Variants in SFMBT1 observed in about 807,000 individuals in gnomAD.
The protein encoded by SFMBT1 is scm-like with four MBT domains protein 1.
In SFMBT1, 32 loss-of-function variants were observed where a neutral mutation model predicts 108.7. That is an observed-to-expected ratio of 0.29 (90% CI 0.22 to 0.40). The LOEUF (loss-of-function observed/expected upper bound fraction) is 0.40. Among genes scored for constraint, SFMBT1 ranks in the 10% least tolerant of loss-of-function variants. The probability of loss-of-function intolerance (pLI) is 1.00; values close to 1 mark genes in which losing one functional copy is unlikely to be tolerated. For missense variants in SFMBT1, 816 were observed against 1,059.6 expected (o/e 0.77, Z 3.19); for synonymous variants, 348 against 369.5 (o/e 0.94, Z 0.67).
At chr3:52,926,165 G>T in intron 9 of SFMBT1, 52 bp from the exon 10 acceptor site, 1 of 1,528,728 alleles carries the variant, frequency 6.5e-7, no homozygotes, top group Non-Finnish European at 8.9e-7. Flanking sequence ...ACATACGCCT[G>T]CCTGGCTTCA....
intron 2 of SFMBT1, among the ~76,000 whole-genome samples, chr3:52,965,460 A>C (rs1704101311): frequency 6.6e-6 from 1 of 152,172 alleles, no homozygotes; most frequent in African/African-American, 2.4e-5. Context: ...TTAACAACAG[A>C]GAAACCTCTC....
At chr3:52,922,286 G>A (rs971604006) in intron 10 of SFMBT1, among the ~76,000 whole-genome samples, 2 of 152,198 alleles carry the variant, frequency 1.3e-5, no homozygotes, top group African/African-American at 4.8e-5. Flanking sequence ...ATACTTGCAT[G>A]TGTATCATAA....
At chr3:52,908,092 T>G (rs1362982860) in intron 17 of SFMBT1, among the ~76,000 whole-genome samples, 1 of 149,938 alleles carries the variant, frequency 6.7e-6, no homozygotes, top group Admixed American at 6.6e-5. Flanking sequence ...TTTTTTTTTT[T>G]GAGATGGAGT....
At chr3:53,022,635 T>C (rs1429382816) in intron 1 of SFMBT1, among the ~76,000 whole-genome samples, 2 of 152,148 alleles carry the variant, frequency 1.3e-5, no homozygotes, top group African/African-American at 2.4e-5. Flanking sequence ...GATGATACTA[T>C]GCTAAGTGAA....
intron 15 of SFMBT1, 31 bp from the exon 16 acceptor site, chr3:52,912,678 T>C: frequency 6.6e-7 from 1 of 1,516,660 alleles, no homozygotes; most frequent in Non-Finnish European, 9.2e-7. Context: ...GAAACACAGA[T>C]TGGGAAGGAG....
intron 1 of SFMBT1, among the ~76,000 whole-genome samples, chr3:53,029,674 A>G (rs1331482439): frequency 6.6e-6 from 1 of 152,264 alleles, no homozygotes; most frequent in Non-Finnish European, 1.5e-5. Context: ...GCATACATTC[A>G]GGCCTTAGGC....
intron 13 of SFMBT1, among the ~76,000 whole-genome samples, chr3:52,916,694 AACAACAACAAC>A (rs1200940584): frequency 3.4e-4 from 51 of 151,766 alleles, no homozygotes; most frequent in Non-Finnish European, 6.6e-4. Flanking sequence ...CAACAACAAC[AACAACAACAAC>A]AAAAAACTAC....
chr3:52,999,480 G>A (rs1212451086), intron 1 of SFMBT1, among the ~76,000 whole-genome samples: 5 of 150,416 alleles, frequency 3.3e-5, no homozygotes, highest in African/African-American at 1.2e-4. Context: ...GGGTAGTCAA[G>A]GAGCTCGGGA....
chr3:52,911,063 G>A lies in SFMBT1; in HGVS notation c.1846C>T (p.Pro616Ser), dbSNP rs1358761221. The stretch of plus-strand genomic sequence containing the variant: ...GAACACTTATCCAGAACCATCCGTG[G>A]ACCGAAGAGGTTAGGACAGCATTCC... ...KLECCPNLFGPRMVLDKCSEN... is the reference protein window; with the variant it reads ...KLECCPNLFGSRMVLDKCSEN... The change falls in exon 17 of 21, where the codon CCA (proline) becomes TCA (serine). Residue 616 changes from proline (P) to serine (S), a missense_variant. Physicochemically the swap from Pro to Ser is moderately conservative, Grantham distance 74. This residue lies in a region of SFMBT1 where 79 missense variants were observed against 120.8 expected (regional missense o/e 0.65). Transcript: ENST00000394752. The A allele has an allele frequency of 6.2e-7, 1 of 1,614,156 alleles. No individual in the cohort carries two copies. The highest frequency in any genetic ancestry group is 1.7e-5 in the Admixed American group (1 of 60,018).
chr3:53,013,615 C>CTTT lies in SFMBT1; in HGVS notation c.-131+32198_-131+32200dup, dbSNP rs397989629. Among the ~76,000 whole-genome samples, 47 of 58,100 alleles carry CTTT rather than the reference C, an allele frequency of 8.1e-4. 3 individuals are homozygous for CTTT. Among genetic ancestry groups the CTTT allele is most frequent in the East Asian group, 1.2e-3 (2 of 1,702 alleles). 38.1% of individuals were successfully genotyped at this position (58,100 alleles called of 152,430 possible). On this transcript the variant is annotated intron_variant, in intron 1 of 20. Coordinates refer to ENST00000394752, the MANE Select transcript of SFMBT1 (RefSeq NM_016329.4). ...GGAACACAGTTTATTTATAAAGAATCTTTTTTTTTTTTTTTTTTTTTTTTT... is the reference window on the plus strand; with the variant it reads ...GGAACACAGTTTATTTATAAAGAATCTTTTTTTTTTTTTTTTTTTTTTTTTTTT...
chr3:52,967,615 C>A (rs533737499), intron 2 of SFMBT1, among the ~76,000 whole-genome samples: 5 of 152,174 alleles, frequency 3.3e-5, no homozygotes, highest in South Asian at 2.1e-4. Context: ...AACAAAAAAA[C>A]CAATCTTTAT....
chr3:52,985,119 G>A (rs1704861346), intron 1 of SFMBT1, among the ~76,000 whole-genome samples: 1 of 152,118 alleles, frequency 6.6e-6, no homozygotes, highest in Admixed American at 6.5e-5. Context: ...AGTAACATGA[G>A]CACATGTTGA....
chr3:53,042,377 T>C (rs985492033), intron 1 of SFMBT1, among the ~76,000 whole-genome samples: 2 of 152,240 alleles, frequency 1.3e-5, no homozygotes, highest in African/African-American at 4.8e-5. Flanking sequence ...TGTCACTCTG[T>C]TACCCAGGCT....
Position 53,036,990 on chromosome 3 carries a change from G to A in SFMBT1, c.-131+8826C>T, listed in dbSNP as rs9842923. Among the ~76,000 whole-genome samples, 680 of 152,328 alleles carry A rather than the reference G, an allele frequency of 4.5e-3. 8 individuals carry two copies. The highest frequency in any genetic ancestry group is 0.016 in the African/African-American group (664 of 41,584). On this transcript the variant is annotated intron_variant, in intron 1 of 20. Coordinates refer to ENST00000394752, the MANE Select transcript of SFMBT1 (RefSeq NM_016329.4). ...AAATGAAGGTCACAATGAGATAAAA[G>A]ACGAGGCATAGGGAGAACAGGGAAT... is the stretch of plus-strand genomic sequence containing the variant.
At chr3:53,042,661 G>GA (rs1700095612) in intron 1 of SFMBT1, among the ~76,000 whole-genome samples, 1 of 152,148 alleles carries the variant, frequency 6.6e-6, no homozygotes, top group Non-Finnish European at 1.5e-5. Flanking sequence ...TTTTTAAAAG[G>GA]AAAAATCTGA....
At chr3:52,967,468 TTAGA>T (rs1214785999) in intron 2 of SFMBT1, among the ~76,000 whole-genome samples, 10 of 152,224 alleles carry the variant, frequency 6.6e-5, no homozygotes, top group African/African-American at 2.2e-4. Flanking sequence ...TGTTCTGGAA[TTAGA>T]TAGCAGTGAT....
At chr3:53,004,051 T>C (rs1035630466) in intron 1 of SFMBT1, among the ~76,000 whole-genome samples, 14 of 150,150 alleles carry the variant, frequency 9.3e-5, no homozygotes, top group African/African-American at 2.7e-4. Flanking sequence ...GTTATAGATA[T>C]GAGGTTTTAA....
chr3:52,992,298 C>T (rs1705165225), intron 1 of SFMBT1, among the ~76,000 whole-genome samples: 1 of 152,108 alleles, frequency 6.6e-6, no homozygotes, highest in African/African-American at 2.4e-5. Context: ...AAACAGAATA[C>T]AAAAGAATAA....
At chr3:53,042,610 TG>T (rs766613274) in intron 1 of SFMBT1, among the ~76,000 whole-genome samples, 16 of 152,224 alleles carry the variant, frequency 1.1e-4, no homozygotes, top group Non-Finnish European at 1.9e-4. Context: ...CCCAAAGTGC[TG>T]GGATTATAGG....
Sources: allele counts gnomAD v4.1 joint callset (sites outside exome capture counted in the v4.1 genomes callset), GRCh38; gene constraint gnomAD v4.1.1; regional missense constraint gnomAD v4.1.1; transcripts MANE v1.5; gene names NCBI Gene and HGNC (gene_info 2026-07-23, HGNC 2026-07-21).